The following AFG3L2 variants were observed in gnomAD, a reference collection of about 807,000 sequenced individuals.
The protein encoded by AFG3L2 is mitochondrial inner membrane m-AAA protease component AFG3L2.
AFG3L2 carries 54 observed loss-of-function variants against 94.5 expected under a neutral mutation model. The observed-to-expected ratio is 0.57, with a 90% confidence interval of 0.46 to 0.72. The LOEUF is 0.72. AFG3L2 is among the 30% of genes least tolerant of loss of function. The pLI, the probability that AFG3L2 is intolerant of heterozygous loss-of-function variation, is 0.00. For missense variants in AFG3L2, 754 were observed against 994.9 expected (o/e 0.76, Z 3.26); for synonymous variants, 377 against 365.5 (o/e 1.03, Z -0.36).
In AFG3L2 at chr18:12,333,301, T is replaced by G. The variant is rs561163358; in HGVS notation, c.2176-3518A>C. ...AGATTATATATAATATATAAATATA[T>G]ATTATATATTATAAATATATAATAT... is the stretch of plus-strand genomic sequence containing the variant. On this transcript the variant is annotated intron_variant, in intron 16 of 16. Coordinates refer to ENST00000269143, the MANE Select transcript of AFG3L2 (RefSeq NM_006796.3). Among the ~76,000 whole-genome samples the G allele has an allele frequency of 9.5e-3, 1,238 of 130,026 alleles. 11 individuals are homozygous for G. Among genetic ancestry groups the G allele is most frequent in the South Asian group, 0.032 (149 of 4,586 alleles). The allele number at this position is 130,026 out of a possible 152,430, so 85.3% of individuals were successfully genotyped here. A position where few individuals can be genotyped will look rare whatever the true frequency, so the allele number is the denominator to read the frequency against.
At chr18:12,357,291 A>C (rs11662523) in intron 8 of AFG3L2, among the ~76,000 whole-genome samples, 104,873 of 152,048 alleles carry the variant, frequency 0.69, 37,423 homozygotes, top group Non-Finnish European at 0.78. Flanking sequence ...TTCATGTACA[A>C]ATCAGTACAT....
Position 12,371,459 on chromosome 18 carries a change from T to G in AFG3L2, c.214+133A>C, listed in dbSNP as rs193060718. 2.3e-3 allele frequency: 1,729 copies of G among 740,886 alleles called. 16 individuals carry two copies. The highest frequency in any genetic ancestry group is 0.011 in the Middle Eastern group (31 of 2,718). The allele number at this position is 740,886 out of a possible 1,614,324, so 45.9% of individuals were successfully genotyped here. A position where few individuals can be genotyped will look rare whatever the true frequency, so the allele number is the denominator to read the frequency against. Reference sequence around the variant, plus strand: ...ATATCAATTTCATTATCTACAAATGTGTTACATTTGAAGATGACATATCTT... The same window carrying G: ...ATATCAATTTCATTATCTACAAATGGGTTACATTTGAAGATGACATATCTT... On this transcript the variant is annotated intron_variant, in intron 2 of 16. Coordinates refer to ENST00000269143, the MANE Select transcript of AFG3L2 (RefSeq NM_006796.3).
chr18:12,330,576 G>C (rs1020733422), intron 16 of AFG3L2, among the ~76,000 whole-genome samples: 6 of 152,038 alleles, frequency 3.9e-5, no homozygotes, highest in Non-Finnish European at 7.4e-5. Context: ...TCCGAAGTTC[G>C]ACACCAGCCT....
intron 16 of AFG3L2, among the ~76,000 whole-genome samples, chr18:12,336,631 A>G (rs1264516718): frequency 6.6e-6 from 1 of 152,256 alleles, no homozygotes; most frequent in Non-Finnish European, 1.5e-5. Context: ...GTACCTGGGC[A>G]GCAGGCAAAA....
Position 12,351,093 on chromosome 18 carries a change from C to G in AFG3L2, c.1544G>C (p.Gly515Ala). 1 of 1,612,772 alleles carries G rather than the reference C, an allele frequency of 6.2e-7. No homozygotes were observed. The highest frequency in any genetic ancestry group is 8.5e-7 in the Non-Finnish European group (1 of 1,180,010). The change falls in exon 12 of 17, where the codon GGG (glycine) becomes GCG (alanine). Residue 515 changes from glycine to alanine, a missense_variant. Gly to Ala is a moderately conservative substitution (Grantham distance 60, BLOSUM62 0). Around this residue, in one of 4 missense-constraint regions of AFG3L2, gnomAD observed 279 missense variants for 378.6 expected, o/e 0.74. Coordinates refer to ENST00000269143, the MANE Select transcript of AFG3L2 (RefSeq NM_006796.3). ...LARKLASLTP[G>A]FSGADVANVC... is the part of the protein sequence containing the mutation. ...CGTTATTTTCCACTCACCTGAAAACCCTGGAGTTAAAGATGCCAGTTTTCT... is the reference window on the plus strand; with the variant it reads ...CGTTATTTTCCACTCACCTGAAAACGCTGGAGTTAAAGATGCCAGTTTTCT...
intron 6 of AFG3L2, among the ~76,000 whole-genome samples, chr18:12,361,548 T>TGA (rs562583210): frequency 6.6e-6 from 1 of 152,042 alleles, no homozygotes; most frequent in Non-Finnish European, 1.5e-5. Context: ...CTTGGGAGGC[T>TGA]GAGGCAGAGA....
chr18:12,330,862 A>T (rs1370322877), intron 16 of AFG3L2, among the ~76,000 whole-genome samples: 1 of 152,138 alleles, frequency 6.6e-6, no homozygotes, highest in Non-Finnish European at 1.5e-5. Flanking sequence ...ACAAACTGGA[A>T]CTTAACCTAG....
chr18:12,350,011 CAGAA>C (rs1908263802), intron 12 of AFG3L2, among the ~76,000 whole-genome samples: 1 of 150,056 alleles, frequency 6.7e-6, no homozygotes, highest in Non-Finnish European at 1.5e-5. Flanking sequence ...CCTAGAGAGA[CAGAA>C]AGTTTGATTG....
intron 9 of AFG3L2, among the ~76,000 whole-genome samples, chr18:12,355,237 T>C (rs1908455225): frequency 6.6e-6 from 1 of 150,644 alleles, no homozygotes; most frequent in African/African-American, 2.4e-5. Context: ...CTCTTACAAT[T>C]CAACAACCAA....
At position 12,341,693 on chromosome 18, in the gene AFG3L2, T is replaced by C. The variant is rs1247752077; in HGVS notation, c.1780-1292A>G. On this transcript the variant is annotated intron_variant, in intron 14 of 16. Coordinates refer to ENST00000269143, the MANE Select transcript of AFG3L2 (RefSeq NM_006796.3). Reference sequence around the variant, plus strand: ...GAAGTCAGGGTTATTTTCAGTTTATTGATATTATACATAAAGTAGTAACAG... The same window carrying C: ...GAAGTCAGGGTTATTTTCAGTTTATCGATATTATACATAAAGTAGTAACAG... 3 of 152,232 alleles carry C rather than the reference T, an allele frequency of 2.0e-5. No individual in the cohort carries two copies. In the East Asian group the frequency reaches 5.8e-4, roughly 29 times the overall value. The allele number at this position is 152,232 out of a possible 1,614,324, so 9.4% of individuals were successfully genotyped here. A position where few individuals can be genotyped will look rare whatever the true frequency, so the allele number is the denominator to read the frequency against.
intron 16 of AFG3L2, 186 bp from the exon 17 acceptor site, chr18:12,329,969 T>C (rs1009800824): frequency 2.1e-5 from 13 of 617,234 alleles, no homozygotes; most frequent in Admixed American, 1.1e-4. Context: ...CCAATGTCCA[T>C]CTGTAAGGGA....
rs1028131812 is a variant in AFG3L2, at chr18:12,348,451, A to C, written c.1553-68T>G. The C allele has an allele frequency of 1.3e-5, 15 of 1,181,642 alleles. No individual in the cohort carries two copies. In the African/African-American group the frequency reaches 2.0e-4, roughly 15 times the overall value. The allele number at this position is 1,181,642 out of a possible 1,614,324, so 73.2% of individuals were successfully genotyped here. On this transcript the variant is annotated intron_variant, in intron 12 of 16. Transcript: ENST00000269143. ...CAAACTGATCAGTCACACAATATGGACAGCCAAATCCATAGTTAATTTTTA... is the reference window on the plus strand; with the variant it reads ...CAAACTGATCAGTCACACAATATGGCCAGCCAAATCCATAGTTAATTTTTA...
At chr18:12,349,868 G>A (rs962449284) in intron 12 of AFG3L2, among the ~76,000 whole-genome samples, 2 of 151,894 alleles carry the variant, frequency 1.3e-5, no homozygotes, top group African/African-American at 4.8e-5. Context: ...CGCCTCATTG[G>A]CCAGGCTGGT....
At chr18:12,338,897 G>GA (rs1181152597) in intron 15 of AFG3L2, among the ~76,000 whole-genome samples, 4 of 151,942 alleles carry the variant, frequency 2.6e-5, no homozygotes, top group African/African-American at 7.3e-5. Flanking sequence ...AGGTGCTAGA[G>GA]AAAAAATACA....
chr18:12,333,770 A>C (rs1314979689), intron 16 of AFG3L2, among the ~76,000 whole-genome samples: 1 of 152,140 alleles, frequency 6.6e-6, no homozygotes, highest in Non-Finnish European at 1.5e-5. Context: ...GACATTTAAC[A>C]GTTCTCGATT....
At chr18:12,371,786 T>C (rs2143235419) in intron 1 of AFG3L2, 95 bp from the exon 2 acceptor site, 1 of 992,746 alleles carries the variant, frequency 1.0e-6, no homozygotes, top group East Asian at 2.6e-5. Flanking sequence ...GAAAGGTCTC[T>C]CTCTTCCACA....
intron 16 of AFG3L2, 48 bp downstream of exon 16, chr18:12,337,292 TC>T: frequency 6.4e-7 from 1 of 1,550,398 alleles, no homozygotes; most frequent in Non-Finnish European, 8.9e-7. Context: ...ATCACTTCAA[TC>T]TTTTTTTTGC....
At chr18:12,373,147 T>C (rs993329363) in intron 1 of AFG3L2, among the ~76,000 whole-genome samples, 2 of 152,218 alleles carry the variant, frequency 1.3e-5, no homozygotes, top group Non-Finnish European at 2.9e-5. Context: ...ACTGTTTTTG[T>C]CTGAGTGCAA....
intron 16 of AFG3L2, among the ~76,000 whole-genome samples, chr18:12,330,301 G>A (rs560760745): frequency 1.3e-5 from 2 of 150,984 alleles, no homozygotes; most frequent in South Asian, 4.2e-4. Context: ...ACTCCAGCCT[G>A]GGCGACAGAG....
Sources: gnomAD v4.1 joint callset for allele counts (sites outside exome capture counted in the v4.1 genomes callset) on GRCh38, gnomAD v4.1.1 for gene constraint, gnomAD v4.1.1 regional missense constraint, MANE v1.5 for transcripts, NCBI Gene and HGNC (gene_info 2026-07-23, HGNC 2026-07-21) for gene names.